The following TRIM23 variants were observed in gnomAD, a reference collection of about 807,000 sequenced individuals.
The protein encoded by TRIM23 is E3 ubiquitin-protein ligase TRIM23.
A neutral mutation model predicts 71.0 loss-of-function variants in TRIM23; 27 were observed. The ratio of observed to expected loss-of-function variants is 0.38; its 90% CI spans 0.28 to 0.52. The LOEUF (loss-of-function observed/expected upper bound fraction) is 0.52, where lower values mean the gene tolerates loss of function less well. TRIM23 is among the 20% of genes least tolerant of loss of function. The pLI, the probability that TRIM23 is intolerant of heterozygous loss-of-function variation, is 0.84. For missense variants in TRIM23, 482 were observed against 692.3 expected, an observed-to-expected ratio of 0.70 and a Z score of 3.41; for synonymous variants, 234 against 238.0, an observed-to-expected ratio of 0.98 and a Z score of 0.16.
At chr5:65,618,381 A>G (rs952012463) in intron 1 of TRIM23, 126 bp from the exon 2 acceptor site, 1 of 1,044,042 alleles carries the variant, frequency 9.6e-7, no homozygotes, top group African/African-American at 1.7e-5. Context: ...ATGAAAAAAA[A>G]ACTATGTAGG....
At position 65,594,651 on chromosome 5, in the gene TRIM23, C is replaced by T; in HGVS notation, c.1421-6G>A. On this transcript the variant is annotated splice_region_variant and splice_polypyrimidine_tract_variant and intron_variant, in intron 9 of 10. Transcript: ENST00000231524. ...ATCTACAACAAACACAACAGCTACC[C>T]AAAAAAAAATAAAAAAAACAAAAAT... 6.7e-7 allele frequency: 1 copy of T among 1,490,234 alleles called. No individual in the cohort carries two copies. The highest frequency in any genetic ancestry group is 9.0e-7 in the Non-Finnish European group (1 of 1,115,394). The allele number at this position is 1,490,234 out of a possible 1,614,324, so 92.3% of individuals were successfully genotyped here.
At chr5:65,602,023 C>T (rs529471265) in intron 7 of TRIM23, among the ~76,000 whole-genome samples, 1 of 152,334 alleles carries the variant, frequency 6.6e-6, no homozygotes, top group Admixed American at 6.5e-5. Context: ...GGCCTAGAGA[C>T]ATTTTCCCCT....
intron 7 of TRIM23, among the ~76,000 whole-genome samples, chr5:65,603,727 A>G (rs1203954540): frequency 6.6e-6 from 1 of 152,206 alleles, no homozygotes; most frequent in Admixed American, 6.5e-5. Flanking sequence ...TGGAAAGCAA[A>G]ATGGTACACA....
chr5:65,605,648 A>T (rs1034398497), intron 6 of TRIM23, among the ~76,000 whole-genome samples: 1 of 152,226 alleles, frequency 6.6e-6, no homozygotes, highest in Non-Finnish European at 1.5e-5. Flanking sequence ...TAAAAAAAAT[A>T]AAGAATACAG....
Position 65,616,411 on chromosome 5 carries a change from T to G in TRIM23, c.244+1682A>C, listed in dbSNP as rs2150640858. Reference sequence around the variant, plus strand: ...CTGTAATCCCAGCACTTTGGGAGGCTGAGGTGGATCACTTGAGGTCAGGAG... The same window carrying G: ...CTGTAATCCCAGCACTTTGGGAGGCGGAGGTGGATCACTTGAGGTCAGGAG... On this transcript the variant is annotated intron_variant, in intron 2 of 10. Transcript: ENST00000231524. Among the ~76,000 whole-genome samples the G allele has an allele frequency of 4.6e-5, 7 of 152,014 alleles. 1 individual carries two copies. The South Asian group carries it at 1.5e-3, about 32-fold the overall frequency.
In TRIM23 at chr5:65,590,383, T is replaced by A. The variant is rs1581171271; in HGVS notation, c.*1386A>T. 10 of 1,448,234 alleles carry A rather than the reference T, an allele frequency of 6.9e-6. No individual in the cohort carries two copies. The South Asian group carries it at 1.4e-4, about 21-fold the overall frequency. 89.7% of individuals were successfully genotyped at this position (1,448,234 alleles called of 1,614,324 possible). On this transcript the variant is annotated 3_prime_UTR_variant, in exon 11 of 11. Coordinates refer to ENST00000231524, the MANE Select transcript of TRIM23 (RefSeq NM_001656.4). ...CTGATAGGCTTTTTTTTTAATGCTT[T>A]GTTTTCTAAAACTTGTATTGTTTTT... is the stretch of plus-strand genomic sequence containing the variant.
At chr5:65,602,584 C>T (rs1207461707) in intron 7 of TRIM23, among the ~76,000 whole-genome samples, 1 of 152,148 alleles carries the variant, frequency 6.6e-6, no homozygotes, top group Non-Finnish European at 1.5e-5. Context: ...TCGCCTCACT[C>T]TACTGGTACC....
chr5:65,596,569 T>C, intron 8 of TRIM23, 38 bp from the exon 9 acceptor site: 1 of 1,228,784 alleles, frequency 8.1e-7, no homozygotes, highest in Non-Finnish European at 1.2e-6. Context: ...ACTATATTTG[T>C]ATTTACAATG....
chr5:65,594,901 A>AT (rs1301539718), intron 9 of TRIM23, among the ~76,000 whole-genome samples: 1 of 152,210 alleles, frequency 6.6e-6, no homozygotes, highest in African/African-American at 2.4e-5. Context: ...TCAAATGCAA[A>AT]TTGGTCTGTA....
intron 6 of TRIM23, among the ~76,000 whole-genome samples, chr5:65,607,663 T>C (rs950253798): frequency 1.3e-5 from 2 of 152,144 alleles, no homozygotes; most frequent in African/African-American, 2.4e-5. Flanking sequence ...TACCAGTCAT[T>C]TTGGCACAAC....
intron 1 of TRIM23, among the ~76,000 whole-genome samples, chr5:65,621,283 C>G (rs570041850): frequency 4.6e-5 from 7 of 152,112 alleles, no homozygotes; most frequent in African/African-American, 1.7e-4. Context: ...ACCTAAGAGG[C>G]GGAGCTTGCA....
intron 1 of TRIM23, among the ~76,000 whole-genome samples, chr5:65,619,801 G>A (rs1030584628): frequency 1.3e-5 from 2 of 152,176 alleles, no homozygotes; most frequent in Non-Finnish European, 2.9e-5. Flanking sequence ...GCAAATTAAA[G>A]CTAGGCATGG....
intron 5 of TRIM23, among the ~76,000 whole-genome samples, chr5:65,609,823 C>T (rs1394984529): frequency 1.3e-5 from 2 of 152,202 alleles, no homozygotes; most frequent in Admixed American, 6.5e-5. Context: ...TTATAAATGA[C>T]ATCTCAAGCA....
chr5:65,610,863 G>C lies in TRIM23; in HGVS notation c.826C>G (p.His276Asp), dbSNP rs1165966393. ...TGAAGAAGAAAAAAAATCCATACATGTTCTGTGTGAGCCATTCCAATTCCA... is the reference window on the plus strand; with the variant it reads ...TGAAGAAGAAAAAAAATCCATACATCTTCTGTGTGAGCCATTCCAATTCCA... ...EDGIGMAHTEHVPGTAENARS... is the reference protein window; with the variant it reads ...EDGIGMAHTEDVPGTAENARS... The change falls in exon 5 of 11, where the codon CAT (histidine) becomes GAT (aspartate). Residue 276 changes from histidine to aspartate, a missense_variant and splice_region_variant. This residue lies in a region of TRIM23 where 307 missense variants were observed against 495.8 expected (regional missense o/e 0.62). Coordinates refer to ENST00000231524, the MANE Select transcript of TRIM23 (RefSeq NM_001656.4). 3 of 1,590,602 alleles carry C rather than the reference G, an allele frequency of 1.9e-6. No individual in the cohort carries two copies. Among genetic ancestry groups the C allele is most frequent in the Non-Finnish European group, 2.6e-6 (3 of 1,171,682 alleles).
chr5:65,621,448 C>G (rs1754944314), intron 1 of TRIM23, among the ~76,000 whole-genome samples: 1 of 152,140 alleles, frequency 6.6e-6, no homozygotes, highest in African/African-American at 2.4e-5. Context: ...CAATAAACTC[C>G]AAAGAACCAT....
At chr5:65,597,831 ATATAT>A (rs2150623560) in intron 7 of TRIM23, among the ~76,000 whole-genome samples, 1 of 152,258 alleles carries the variant, frequency 6.6e-6, no homozygotes, top group South Asian at 2.1e-4. Flanking sequence ...GAACATTTTT[ATATAT>A]TACTAGCTGC....
chr5:65,619,605 GATA>G (rs1754871048), intron 1 of TRIM23, among the ~76,000 whole-genome samples: 1 of 152,126 alleles, frequency 6.6e-6, no homozygotes, highest in Non-Finnish European at 1.5e-5. Flanking sequence ...ACCATACAGT[GATA>G]ATTCATAATT....
At chr5:65,606,965 T>C (rs1355091690) in intron 6 of TRIM23, 1 of 152,260 alleles carries the variant, frequency 6.6e-6, no homozygotes, top group Admixed American at 6.5e-5. Context: ...TTCACTGATA[T>C]ATTTTAAATA....
At position 65,590,295 on chromosome 5, in the gene TRIM23, C is replaced by A; in HGVS notation, c.*1474G>T. ...ACAAACTACACCTGTAACAGCATGA[C>A]CTTTTACCTGAAAAATAAAGGATGA... On this transcript the variant is annotated 3_prime_UTR_variant, in exon 11 of 11. Transcript: ENST00000231524. 7.2e-7 allele frequency: 1 copy of A among 1,383,798 alleles called. No individual in the cohort carries two copies. The highest frequency in any genetic ancestry group is 1.0e-6 in the Non-Finnish European group (1 of 993,234). The allele number at this position is 1,383,798 out of a possible 1,614,324, so 85.7% of individuals were successfully genotyped here.
Sources: allele counts gnomAD v4.1 joint callset (sites outside exome capture counted in the v4.1 genomes callset), GRCh38; gene constraint gnomAD v4.1.1; regional missense constraint gnomAD v4.1.1; transcripts MANE v1.5; gene names NCBI Gene and HGNC (gene_info 2026-07-23, HGNC 2026-07-21).